The following CCDC47 variants were observed in gnomAD, a reference collection of about 807,000 sequenced individuals.
The protein encoded by CCDC47 is coiled-coil domain containing 47.
A neutral mutation model predicts 60.5 loss-of-function variants in CCDC47; 41 were observed. The ratio of observed to expected loss-of-function variants is 0.68; its 90% CI spans 0.53 to 0.88. The LOEUF (loss-of-function observed/expected upper bound fraction) is 0.88, where lower values mean the gene tolerates loss of function less well. Among genes scored for constraint, CCDC47 ranks in the 40% least tolerant of loss-of-function variants. The pLI is 0.00. For missense variants in CCDC47, 513 were observed against 580.9 expected (o/e 0.88, Z 1.20); for synonymous variants, 195 against 190.7 (o/e 1.02, Z -0.18).
At chr17:63,757,907 A>C (rs190611067) in intron 6 of CCDC47, among the ~76,000 whole-genome samples, 293 of 152,272 alleles carry the variant, frequency 1.9e-3, no homozygotes, top group African/African-American at 6.7e-3. Context: ...GATAACCAGA[A>C]AAACCAAGTG....
intron 4 of CCDC47, among the ~76,000 whole-genome samples, chr17:63,763,260 C>T (rs760469003): frequency 2.6e-5 from 4 of 152,068 alleles, no homozygotes; most frequent in South Asian, 2.1e-4. Context: ...CAGTAGCTCA[C>T]GTCTGTAATC....
In CCDC47 at chr17:63,750,883, G is replaced by A. The variant is rs145476209; in HGVS notation, c.1371+1057C>T. On this transcript the variant is annotated intron_variant, in intron 12 of 12. Transcript: ENST00000225726. The stretch of plus-strand genomic sequence containing the variant: ...ATTACAGGCGTGAGCCACCACGCCC[G>A]GCCTGTCCTCTCCCTCTTTTTTTTT... Among the ~76,000 whole-genome samples the A allele has an allele frequency of 1.2e-3, 180 of 150,892 alleles. 1 individual carries two copies. The highest frequency in any genetic ancestry group is 4.3e-3 in the African/African-American group (176 of 41,086).
intron 4 of CCDC47, chr17:63,761,730 C>CA (rs2039263134): frequency 1.6e-6 from 1 of 613,416 alleles, no homozygotes; most frequent in Admixed American, 6.4e-5. Flanking sequence ...CCGAATACCT[C>CA]ACGTTCCTCT....
At chr17:63,754,980 T>C (rs1216181784) in intron 8 of CCDC47, among the ~76,000 whole-genome samples, 4 of 152,232 alleles carry the variant, frequency 2.6e-5, no homozygotes, top group Non-Finnish European at 5.9e-5. Flanking sequence ...TGCTTTTTAT[T>C]TATTTTTTGT....
chr17:63,765,631 T>A (rs1483423951), intron 2 of CCDC47: 1 of 1,099,828 alleles, frequency 9.1e-7, no homozygotes. Flanking sequence ...TGAGCCACCG[T>A]GCCCAGCCAA....
intron 1 of CCDC47, among the ~76,000 whole-genome samples, chr17:63,772,254 T>C: frequency 7.1e-6 from 1 of 140,078 alleles, no homozygotes; most frequent in South Asian, 2.5e-4. Flanking sequence ...CCAAGGGTTT[T>C]TTTTTTTTTT....
chr17:63,747,577 T>C (rs377649621), intron 12 of CCDC47: 39 of 985,042 alleles, frequency 4.0e-5, no homozygotes, highest in Non-Finnish European at 4.5e-5. Context: ...CGTGGACTGA[T>C]AGAAGCCTTA....
At chr17:63,771,155 C>T (rs1442359383) in intron 1 of CCDC47, among the ~76,000 whole-genome samples, 1 of 151,708 alleles carries the variant, frequency 6.6e-6, no homozygotes, top group Non-Finnish European at 1.5e-5. Context: ...GTACAGTAGG[C>T]CCTACCCATG....
In CCDC47 at chr17:63,761,696, C is replaced by CAAA. The variant is rs11429721; in HGVS notation, c.548-348_548-346dup. On this transcript the variant is annotated intron_variant, in intron 4 of 12. Coordinates refer to ENST00000225726, the MANE Select transcript of CCDC47 (RefSeq NM_020198.3). ...TGGATGACAGAGCAAGACTCTGTCT[C>CAAA]AAAAAAAAAAAAAGGAAACAAGGCC... is the stretch of plus-strand genomic sequence containing the variant. 1.1e-3 allele frequency: 278 copies of CAAA among 260,866 alleles called. 1 individual carries two copies. Among genetic ancestry groups the CAAA allele is most frequent in the Middle Eastern group, 1.9e-3 (1 of 526 alleles). 16.2% of individuals were successfully genotyped at this position (260,866 alleles called of 1,614,324 possible).
chr17:63,767,824 T>C (rs2039308143), intron 1 of CCDC47, among the ~76,000 whole-genome samples: 2 of 152,172 alleles, frequency 1.3e-5, no homozygotes, highest in African/African-American at 2.4e-5. Context: ...GTATCTGAAT[T>C]TCTCTATTCG....
At position 63,765,976 on chromosome 17, in the gene CCDC47, G is replaced by A. The variant is rs764525299; in HGVS notation, c.200C>T (p.Thr67Ile). Residue 67 changes from threonine to isoleucine, a missense_variant, in exon 2 of 13, where the codon ACC becomes ATC. By Grantham distance (89) the Thr-to-Ile change is moderately conservative. Coordinates refer to ENST00000225726, the MANE Select transcript of CCDC47 (RefSeq NM_020198.3). ...ATCCTGCCCTTCCAACTCCACAGTG[G>A]TCTCATCTTCATCATCTTCAGTGAT... ...VIITEDDEDE[T>I]TVELEGQDEN... 4 of 1,613,934 alleles carry A rather than the reference G, an allele frequency of 2.5e-6. No individual in the cohort carries two copies. The Admixed American group carries it at 6.7e-5, about 27-fold the overall frequency.
At chr17:63,759,536 TATATATATATATATATA>T (rs1568249156) in intron 6 of CCDC47, among the ~76,000 whole-genome samples, 3 of 10,164 alleles carry the variant, frequency 3.0e-4, no homozygotes, top group Non-Finnish European at 4.7e-4. Context: ...TTTATATATA[TATATATATATATATATA>T]TATATATATA....
rs146060627 is a variant in CCDC47, at chr17:63,763,595, G to A, written c.547+421C>T. Among the ~76,000 whole-genome samples the A allele has an allele frequency of 1.4e-3, 208 of 152,158 alleles. 1 individual carries two copies. Among genetic ancestry groups the A allele is most frequent in the African/African-American group, 4.8e-3 (201 of 41,508 alleles). ...AATCCCTGCAATCTGGGAGGCCGAG[G>A]TGGGTGGACCATGAGGTCAAGAGAT... On this transcript the variant is annotated intron_variant, in intron 4 of 12. Coordinates refer to ENST00000225726, the MANE Select transcript of CCDC47 (RefSeq NM_020198.3).
chr17:63,747,084 CTT>C, intron 12 of CCDC47, 123 bp from the exon 13 acceptor site: 1 of 1,439,678 alleles, frequency 6.9e-7, no homozygotes, highest in Non-Finnish European at 9.1e-7. Flanking sequence ...TATTCAAAAA[CTT>C]AGGCTTGCAC....
intron 12 of CCDC47, among the ~76,000 whole-genome samples, chr17:63,750,593 T>C (rs2039155457): frequency 6.6e-6 from 1 of 151,558 alleles, no homozygotes; most frequent in East Asian, 1.9e-4. Context: ...CCTCTCCCTT[T>C]TTTTTTTTTG....
chr17:63,746,752 G>T lies in CCDC47; in HGVS notation c.*129C>A. 1 of 701,748 alleles carries T rather than the reference G, an allele frequency of 1.4e-6. No individual in the cohort carries two copies. The highest frequency in any genetic ancestry group is 1.8e-5 in the South Asian group (1 of 54,948). 43.5% of individuals were successfully genotyped at this position (701,748 alleles called of 1,614,324 possible). On this transcript the variant is annotated 3_prime_UTR_variant, in exon 13 of 13. Coordinates refer to ENST00000225726, the MANE Select transcript of CCDC47 (RefSeq NM_020198.3). ...CCAAACCCCAAACAGAGTAGATGAT[G>T]AAATAAGGATTTCTCAGTTGCCCAA...
At chr17:63,765,864 A>C (rs2039293810) in intron 2 of CCDC47, 48 bp downstream of exon 2, 4 of 1,542,320 alleles carry the variant, frequency 2.6e-6, no homozygotes, top group Admixed American at 2.0e-5. Flanking sequence ...TGTTTGGGAA[A>C]GGTGCTAGTT....
chr17:63,758,943 TAGC>T (rs550463386), intron 6 of CCDC47, among the ~76,000 whole-genome samples: 2,039 of 152,264 alleles, frequency 0.013, 15 homozygotes, highest in Non-Finnish European at 0.019. Flanking sequence ...CAATTTCTCT[TAGC>T]AGGAGGAGAG....
chr17:63,755,283 A>G (rs1005181291), intron 8 of CCDC47: 1 of 984,876 alleles, frequency 1.0e-6, no homozygotes, highest in Non-Finnish European at 1.2e-6. Flanking sequence ...AAAGCTTTTT[A>G]AAAATTAAAT....
Sources: gnomAD v4.1 joint callset for allele counts (sites outside exome capture counted in the v4.1 genomes callset) on GRCh38, gnomAD v4.1.1 for gene constraint, MANE v1.5 for transcripts, NCBI Gene and HGNC (gene_info 2026-07-23, HGNC 2026-07-21) for gene names.